Variants in KIRREL3 observed in about 807,000 individuals in gnomAD.
KIRREL3 encodes kin of IRRE-like protein 3.
KIRREL3 carries 36 observed loss-of-function variants against 89.7 expected under a neutral mutation model. The observed-to-expected ratio is 0.40, with a 90% CI of 0.31 to 0.53. The LOEUF (loss-of-function observed/expected upper bound fraction) is 0.53. Among genes scored for constraint, KIRREL3 ranks in the 20% least tolerant of loss-of-function variants. The pLI is 0.49. For synonymous variants in KIRREL3, 445 were observed against 441.4 expected, an observed-to-expected ratio of 1.01 and a Z score of -0.10; for missense variants, 864 against 1,056.6, an observed-to-expected ratio of 0.82 and a Z score of 2.53.
intron 1 of KIRREL3, among the ~76,000 whole-genome samples, chr11:126,659,015 A>G (rs556467969): frequency 3.9e-5 from 6 of 152,348 alleles, no homozygotes; most frequent in Non-Finnish European, 7.4e-5. Context: ...GTGGGCATCC[A>G]TCAAGAGAAA....
At chr11:126,743,309 A>G (rs1375061543) in intron 1 of KIRREL3, among the ~76,000 whole-genome samples, 2 of 152,212 alleles carry the variant, frequency 1.3e-5, no homozygotes, top group Non-Finnish European at 2.9e-5. Context: ...ATGTTAGTCT[A>G]TCTACAGGTG....
At chr11:126,560,461 C>T (rs550810057) in intron 2 of KIRREL3, among the ~76,000 whole-genome samples, 11 of 152,288 alleles carry the variant, frequency 7.2e-5, no homozygotes, top group Admixed American at 2.6e-4. Context: ...TGTAGTTTAA[C>T]GGCACCAATT....
intron 10 of KIRREL3, among the ~76,000 whole-genome samples, chr11:126,444,231 G>A (rs1955700063): frequency 6.6e-6 from 1 of 152,178 alleles, no homozygotes; most frequent in African/African-American, 2.4e-5. Flanking sequence ...CTGCCCTCAA[G>A]GGGGCCCCTG....
Position 126,531,857 on chromosome 11 carries a change from G to A in KIRREL3, c.134-5170C>T, listed in dbSNP as rs1379502715. Among the ~76,000 whole-genome samples, 2 of 152,176 alleles carry A rather than the reference G, an allele frequency of 1.3e-5. No individual in the cohort carries two copies. The highest frequency in any genetic ancestry group is 2.9e-5 in the Non-Finnish European group (2 of 68,038). On this transcript the variant is annotated intron_variant, in intron 2 of 16. Transcript: ENST00000525144. This position sits in a 1 kb window ranked among gnomAD's most constrained non-coding sequence, Gnocchi z 4.7. ...AGCTGTGGGTGAGCACCGGTTACAC[G>A]TCTGTCACATGTGCCTTTGTACTTA...
chr11:126,509,497 A>G (rs11826881), intron 4 of KIRREL3, among the ~76,000 whole-genome samples: 56,685 of 152,154 alleles, frequency 0.37, 11,593 homozygotes, highest in African/African-American at 0.53. Flanking sequence ...TAGGAAGAAC[A>G]TATCAGGTTC....
Position 126,911,176 on chromosome 11 carries a change from A to G in KIRREL3, c.55+89279T>C, listed in dbSNP as rs886718162. ...TGCTGGTGATGACAATGATGACTGC[A>G]TATTTCTAGACATGGCCCCTCCAAG... On this transcript the variant is annotated intron_variant, in intron 1 of 16. Transcript: ENST00000525144. 2.6e-5 allele frequency among the ~76,000 whole-genome samples: 4 copies of G among 152,186 alleles called. No homozygotes were observed. In the East Asian group the frequency reaches 5.8e-4, roughly 22 times the overall value.
At position 126,990,683 on chromosome 11, in the gene KIRREL3, G is replaced by C. The variant is rs1333251847; in HGVS notation, c.55+9772C>G. Among the ~76,000 whole-genome samples the C allele has an allele frequency of 6.6e-6, 1 of 152,240 alleles. No homozygotes were observed. The highest frequency in any genetic ancestry group is 1.5e-5 in the Non-Finnish European group (1 of 68,042). ...CGCAGTTGCCCCTCACTCAGGTGCA[G>C]CTTCCTATGTAAGAAAAAGGCTTCA... On this transcript the variant is annotated intron_variant, in intron 1 of 16. Transcript: ENST00000525144. The surrounding 1 kb of genome is among the most constrained non-coding windows in gnomAD (Gnocchi z 6.3).
chr11:126,907,711 C>A (rs1207292238), intron 1 of KIRREL3, among the ~76,000 whole-genome samples: 3 of 152,106 alleles, frequency 2.0e-5, no homozygotes, highest in Non-Finnish European at 4.4e-5. Flanking sequence ...GCCTTGAGGA[C>A]AGGAAATGAG....
Position 126,940,419 on chromosome 11 carries a change from T to A in KIRREL3, c.55+60036A>T, listed in dbSNP as rs1948396694. 1.3e-5 allele frequency: 2 copies of A among 152,136 alleles called. No homozygotes were observed. The highest frequency in any genetic ancestry group is 2.9e-5 in the Non-Finnish European group (2 of 68,030). 9.4% of individuals were successfully genotyped at this position (152,136 alleles called of 1,614,324 possible). On this transcript the variant is annotated intron_variant, in intron 1 of 16. Coordinates refer to ENST00000525144, the MANE Select transcript of KIRREL3 (RefSeq NM_032531.4). The surrounding 1 kb of genome is among the most constrained non-coding windows in gnomAD (Gnocchi z 4.6). The stretch of plus-strand genomic sequence containing the variant: ...TAGATTATGAAAAAGTATAATTATA[T>A]GCAATTAAAAAATGAACAGTATTTC...
intron 1 of KIRREL3, among the ~76,000 whole-genome samples, chr11:126,572,338 G>A (rs1009209823): frequency 6.6e-6 from 1 of 152,212 alleles, no homozygotes; most frequent in Admixed American, 6.5e-5. Context: ...TGTGAAATTA[G>A]TCTTTGCCCA....
rs528605491 is a variant in KIRREL3, at chr11:126,694,703, A to G, written c.56-131791T>C. Among the ~76,000 whole-genome samples, 3 of 152,318 alleles carry G rather than the reference A, an allele frequency of 2.0e-5. No individual in the cohort carries two copies. The East Asian group carries it at 5.8e-4, about 29-fold the overall frequency. On this transcript the variant is annotated intron_variant, in intron 1 of 16. Transcript: ENST00000525144. This position sits in a 1 kb window ranked among gnomAD's most constrained non-coding sequence, Gnocchi z 4.4. ...TTCTATGAGCCACCTTTTTTAAAAA[A>G]AATTCTCTACAGAGAGGTGAATACT... is the stretch of plus-strand genomic sequence containing the variant.
At chr11:126,586,623 G>T (rs1383968682) in intron 1 of KIRREL3, among the ~76,000 whole-genome samples, 1 of 152,140 alleles carries the variant, frequency 6.6e-6, no homozygotes, top group Non-Finnish European at 1.5e-5. Context: ...GCAGAAGTCA[G>T]AGTTGAACTC....
At position 126,525,362 on chromosome 11, in the gene KIRREL3, A is replaced by AT. The variant is rs1314564280; in HGVS notation, c.283+1175dup. Among the ~76,000 whole-genome samples the AT allele has an allele frequency of 6.6e-6, 1 of 152,188 alleles. No individual in the cohort carries two copies. The highest frequency in any genetic ancestry group is 2.4e-5 in the African/African-American group (1 of 41,456). ...GGTAAAGGCGTTCGGAGTCTCTGAA[A>AT]TTGGCTGGTTCCCATAACAGTTAAA... On this transcript the variant is annotated intron_variant, in intron 3 of 16. Transcript: ENST00000525144. This position sits in a 1 kb window ranked among gnomAD's most constrained non-coding sequence, Gnocchi z 5.4.
chr11:126,936,793 C>T (rs575523792), intron 1 of KIRREL3: 1 of 152,252 alleles, frequency 6.6e-6, no homozygotes, highest in Admixed American at 6.5e-5. Context: ...TGAGGGATCA[C>T]TTGGGAGAGA....
At chr11:126,820,038 C>T (rs1943152260) in intron 1 of KIRREL3, among the ~76,000 whole-genome samples, 1 of 152,176 alleles carries the variant, frequency 6.6e-6, no homozygotes, top group African/African-American at 2.4e-5. Flanking sequence ...TTCATTCTCT[C>T]ATTCATTCAT....
At chr11:126,644,525 T>G (rs543755270) in intron 1 of KIRREL3, among the ~76,000 whole-genome samples, 1 of 152,098 alleles carries the variant, frequency 6.6e-6, no homozygotes, top group South Asian at 2.1e-4. Flanking sequence ...GTCAGAGGCT[T>G]GGGAGGACTG....
At chr11:126,589,812 T>C (rs1435371058) in intron 1 of KIRREL3, among the ~76,000 whole-genome samples, 2 of 152,168 alleles carry the variant, frequency 1.3e-5, no homozygotes, top group African/African-American at 4.8e-5. Context: ...CACTTTATCC[T>C]GCCACCTCAC....
intron 1 of KIRREL3, among the ~76,000 whole-genome samples, chr11:126,613,283 C>T (rs1246359801): frequency 2.0e-5 from 3 of 152,248 alleles, no homozygotes; most frequent in South Asian, 2.1e-4. Flanking sequence ...CAGGCTCGCA[C>T]GCAGCAGTGT....
At chr11:126,560,991 A>T (rs1249628448) in intron 2 of KIRREL3, among the ~76,000 whole-genome samples, 1 of 152,250 alleles carries the variant, frequency 6.6e-6, no homozygotes, top group Admixed American at 6.5e-5. Flanking sequence ...TTGGTATGAG[A>T]TAATTATAAA....
Sources: gnomAD v4.1 joint callset for allele counts (sites outside exome capture counted in the v4.1 genomes callset) on GRCh38, gnomAD v4.1.1 for gene constraint, Gnocchi (gnomAD v3.1) non-coding constraint, MANE v1.5 for transcripts, NCBI Gene and HGNC (gene_info 2026-07-23, HGNC 2026-07-21) for gene names.